The following GPHN variants were observed in gnomAD, a reference collection of about 807,000 sequenced individuals.
GPHN encodes gephyrin.
GPHN carries 17 observed loss-of-function variants against 95.5 expected under a neutral mutation model. That is an observed-to-expected ratio of 0.18 (90% CI 0.12 to 0.27). The LOEUF is 0.27. Ranked by LOEUF, GPHN falls within the 10% of genes least tolerant of loss-of-function variation. The pLI is 1.00. For missense variants in GPHN, 660 were observed against 978.1 expected, an observed-to-expected ratio of 0.67 and a Z score of 4.34; for synonymous variants, 320 against 322.5, an observed-to-expected ratio of 0.99 and a Z score of 0.08.
At chr14:66,829,750 C>T (rs1311117312) in intron 4 of GPHN, among the ~76,000 whole-genome samples, 1 of 152,046 alleles carries the variant, frequency 6.6e-6, no homozygotes, top group African/African-American at 2.4e-5. Context: ...ATGTCTCATC[C>T]ACTTGGTCAT....
the GPHN span, among the ~76,000 whole-genome samples, chr14:67,428,430 A>G: frequency 6.6e-6 from 1 of 152,234 alleles, no homozygotes; most frequent in Non-Finnish European, 1.5e-5. Context: ...GCACTTTTCC[A>G]AGTGCTTGTA....
At chr14:66,939,374 A>C (rs577847022) in intron 8 of GPHN, among the ~76,000 whole-genome samples, 3 of 151,984 alleles carry the variant, frequency 2.0e-5, no homozygotes, top group Non-Finnish European at 4.4e-5. Flanking sequence ...ATTGTTGTAG[A>C]AAAAAAACAG....
chr14:67,067,043 C>G (rs1296638193), intron 11 of GPHN, among the ~76,000 whole-genome samples: 1 of 152,178 alleles, frequency 6.6e-6, no homozygotes, highest in Non-Finnish European at 1.5e-5. Flanking sequence ...CTTTTCTGCT[C>G]TGGATTCTCA....
At chr14:67,365,595 C>T in the GPHN span, among the ~76,000 whole-genome samples, 1 of 152,024 alleles carries the variant, frequency 6.6e-6, no homozygotes, top group Non-Finnish European at 1.5e-5. Context: ...TATTGGATGC[C>T]TTTTCTGGGC....
chr14:67,059,015 A>AAG (rs1186349409), intron 11 of GPHN: 9 of 151,352 alleles, frequency 5.9e-5, no homozygotes, highest in Non-Finnish European at 1.2e-4. Flanking sequence ...TAAAAAAAGG[A>AAG]AAAAAAAAAA....
chr14:67,568,909 G>A, the GPHN span: 1 of 517,526 alleles, frequency 1.9e-6, no homozygotes, highest in Admixed American at 3.6e-5. Flanking sequence ...CTTATGTTAA[G>A]TATTTCATTG....
chr14:67,107,864 T>A (rs751012173), intron 13 of GPHN, among the ~76,000 whole-genome samples: 1 of 152,060 alleles, frequency 6.6e-6, no homozygotes, highest in Non-Finnish European at 1.5e-5. Context: ...GGTACTAGAG[T>A]TATTTGGCCT....
At chr14:67,179,540 G>A (rs2273836) in intron 21 of GPHN, 38 bp from the exon 22 acceptor site, 1 of 1,183,916 alleles carries the variant, frequency 8.4e-7, no homozygotes, top group Non-Finnish European at 1.3e-6. Context: ...AGATGATCAG[G>A]TGACCAAGTT....
chr14:66,558,848 T>G (rs1367336171), intron 1 of GPHN, among the ~76,000 whole-genome samples: 2 of 152,052 alleles, frequency 1.3e-5, no homozygotes, highest in East Asian at 3.9e-4. Context: ...TAACCTGTCA[T>G]TTAGCATTAG....
At chr14:66,733,318 T>C in intron 2 of GPHN, among the ~76,000 whole-genome samples, 1 of 152,052 alleles carries the variant, frequency 6.6e-6, no homozygotes, top group East Asian at 1.9e-4. Flanking sequence ...TTTTTTTTTT[T>C]TGTAAATTAC....
chr14:67,573,531 C>T, the GPHN span: 2 of 650,336 alleles, frequency 3.1e-6, no homozygotes, highest in African/African-American at 1.8e-5. The surrounding 1 kb of genome is among the most constrained non-coding windows in gnomAD (Gnocchi z 4.8). Flanking sequence ...CTCACTGGGC[C>T]CCTGAGGCTT....
At chr14:67,327,024 A>G in the GPHN span, among the ~76,000 whole-genome samples, 1,811 of 152,228 alleles carry the variant, frequency 0.012, 19 homozygotes, top group Non-Finnish European at 0.018. Context: ...AAAATACAAA[A>G]GTTAGCCGGG....
intron 4 of GPHN, among the ~76,000 whole-genome samples, chr14:66,829,850 A>G (rs1022167886): frequency 6.6e-6 from 1 of 152,136 alleles, no homozygotes; most frequent in Non-Finnish European, 1.5e-5. Flanking sequence ...TCACAGGGGT[A>G]AGCAATGTAG....
the GPHN span, among the ~76,000 whole-genome samples, chr14:67,251,248 C>T: frequency 2.0e-5 from 3 of 152,150 alleles, no homozygotes; most frequent in Non-Finnish European, 2.9e-5. Flanking sequence ...TAAAAATGTA[C>T]GTGAGGCTGG....
chr14:67,627,445 T>A, the GPHN span, among the ~76,000 whole-genome samples: 1 of 152,138 alleles, frequency 6.6e-6, no homozygotes, highest in Non-Finnish European at 1.5e-5. Flanking sequence ...TAGATATCCA[T>A]CTTTTCAAGC....
At chr14:66,790,349 G>T (rs1194956327) in intron 3 of GPHN, among the ~76,000 whole-genome samples, 2 of 152,272 alleles carry the variant, frequency 1.3e-5, no homozygotes, top group East Asian at 3.9e-4. Context: ...TACCTAGGCT[G>T]AAAATTGAAC....
chr14:67,338,528 C>CA, the GPHN span: 1 of 1,350,436 alleles, frequency 7.4e-7, no homozygotes, highest in Non-Finnish European at 9.8e-7. Context: ...ATTCTTAGGC[C>CA]AAAAAATAAA....
the GPHN span, among the ~76,000 whole-genome samples, chr14:67,712,311 T>A: frequency 1.3e-5 from 2 of 152,148 alleles, no homozygotes; most frequent in Admixed American, 6.5e-5. Context: ...TATTTTGAGG[T>A]TAAACCATGT....
At chr14:66,925,270 G>A (rs749189588) in intron 8 of GPHN, among the ~76,000 whole-genome samples, 1 of 152,122 alleles carries the variant, frequency 6.6e-6, no homozygotes, top group African/African-American at 2.4e-5. Context: ...ATTTCTTTGT[G>A]TTACAGACAT....
Sources: gnomAD v4.1 joint callset for allele counts (sites outside exome capture counted in the v4.1 genomes callset) on GRCh38, gnomAD v4.1.1 for gene constraint, Gnocchi (gnomAD v3.1) non-coding constraint, MANE v1.5 for transcripts, NCBI Gene and HGNC (gene_info 2026-07-23, HGNC 2026-07-21) for gene names.